The following SCLT1 variants were observed in gnomAD, a reference collection of about 807,000 sequenced individuals.
SCLT1 encodes the protein sodium channel and clathrin linker 1, also known as sodium channel-associated protein 1.
A neutral mutation model predicts 112.8 loss-of-function variants in SCLT1; 78 were observed. That is an observed-to-expected ratio of 0.69 (90% confidence interval 0.58 to 0.83). SCLT1 has a LOEUF of 0.83. Ranked by LOEUF, SCLT1 falls within the 40% of genes least tolerant of loss-of-function variation. SCLT1 has a pLI of 0.00. For synonymous variants in SCLT1, 257 were observed against 254.7 expected, an observed-to-expected ratio of 1.01 and a Z score of -0.09; for missense variants, 747 against 770.4, an observed-to-expected ratio of 0.97 and a Z score of 0.36.
At chr4:128,997,796 T>C (rs889945199) in intron 8 of SCLT1, 78 bp downstream of exon 8, 7 of 678,040 alleles carry the variant, frequency 1.0e-5, no homozygotes, top group Non-Finnish European at 1.6e-5. Context: ...AGCATGCTTA[T>C]TGTTGATTTA....
chr4:128,905,530 T>TC (rs1734627591), intron 18 of SCLT1, among the ~76,000 whole-genome samples: 1 of 151,654 alleles, frequency 6.6e-6, no homozygotes, highest in Non-Finnish European at 1.5e-5. Flanking sequence ...TAGACTTTTT[T>TC]TTAACCTTAA....
intron 8 of SCLT1, among the ~76,000 whole-genome samples, chr4:128,994,994 G>T (rs986755156): frequency 6.6e-6 from 1 of 151,978 alleles, no homozygotes; most frequent in Non-Finnish European, 1.5e-5. Context: ...CACTCTGCTG[G>T]TTTCGTTTGC....
intron 5 of SCLT1, among the ~76,000 whole-genome samples, chr4:129,026,151 A>C (rs1746049885): frequency 6.6e-6 from 1 of 152,158 alleles, no homozygotes; most frequent in East Asian, 1.9e-4. Context: ...CGAGACAGAA[A>C]GTTAACAAGG....
At chr4:129,015,774 C>A (rs1049028751) in intron 5 of SCLT1, among the ~76,000 whole-genome samples, 1 of 152,148 alleles carries the variant, frequency 6.6e-6, no homozygotes, top group African/African-American at 2.4e-5. Context: ...CCCGGAGCCA[C>A]CAGAGACCAG....
chr4:128,954,603 G>A (rs377350534), intron 13 of SCLT1, among the ~76,000 whole-genome samples: 24 of 152,074 alleles, frequency 1.6e-4, no homozygotes, highest in Non-Finnish European at 3.2e-4. Context: ...GTGAGCCACC[G>A]TGCCCGGCCA....
chr4:129,073,547 T>G (rs1751207671), intron 2 of SCLT1, among the ~76,000 whole-genome samples: 1 of 152,204 alleles, frequency 6.6e-6, no homozygotes, highest in African/African-American at 2.4e-5. Flanking sequence ...GTTTCCTGAT[T>G]GTTACTCCTA....
At chr4:129,065,074 C>T (rs1750358658) in intron 2 of SCLT1, among the ~76,000 whole-genome samples, 2 of 151,866 alleles carry the variant, frequency 1.3e-5, no homozygotes, top group Non-Finnish European at 2.9e-5. Context: ...AAGAATTCTC[C>T]CTTAAAAGTG....
At chr4:129,065,585 C>A (rs1328244581) in intron 2 of SCLT1, among the ~76,000 whole-genome samples, 1 of 151,966 alleles carries the variant, frequency 6.6e-6, no homozygotes, top group South Asian at 2.1e-4. Flanking sequence ...TAGCTGTGTT[C>A]CAATAAATCT....
intron 5 of SCLT1, among the ~76,000 whole-genome samples, chr4:129,005,412 A>C (rs1007216636): frequency 2.4e-4 from 36 of 152,214 alleles, no homozygotes; most frequent in African/African-American, 6.3e-4. Context: ...GACACATGAA[A>C]AAATGCTCAT....
intron 13 of SCLT1, among the ~76,000 whole-genome samples, chr4:128,953,912 T>G (rs1167147570): frequency 6.6e-6 from 1 of 152,148 alleles, no homozygotes; most frequent in Non-Finnish European, 1.5e-5. Context: ...CTTTTACATA[T>G]GAAGATATTT....
chr4:128,955,785 G>A (rs752808969), intron 13 of SCLT1, among the ~76,000 whole-genome samples: 1 of 151,928 alleles, frequency 6.6e-6, no homozygotes, highest in Non-Finnish European at 1.5e-5. Flanking sequence ...TTTACAATGA[G>A]TATATATCAC....
chr4:129,009,154 ATTTC>A (rs1445917959), intron 5 of SCLT1, among the ~76,000 whole-genome samples: 1 of 152,096 alleles, frequency 6.6e-6, no homozygotes, highest in Non-Finnish European at 1.5e-5. Flanking sequence ...TGGTAGAATG[ATTTC>A]TATTACTTCG....
intron 2 of SCLT1, among the ~76,000 whole-genome samples, chr4:129,055,540 G>A (rs1054150270): frequency 6.6e-6 from 1 of 152,118 alleles, no homozygotes; most frequent in African/African-American, 2.4e-5. Flanking sequence ...GTTGAGTTCT[G>A]CCCAGTCTGA....
At chr4:128,967,632 G>T (rs57501568) in intron 10 of SCLT1, among the ~76,000 whole-genome samples, 29,621 of 151,962 alleles carry the variant, frequency 0.19, 3,058 homozygotes, top group East Asian at 0.26. Context: ...TCATTTGCTT[G>T]TTGGCCACAT....
At chr4:128,966,293 CT>C (rs1740183408) in intron 10 of SCLT1, among the ~76,000 whole-genome samples, 1 of 151,988 alleles carries the variant, frequency 6.6e-6, no homozygotes, top group African/African-American at 2.4e-5. Flanking sequence ...TCCTCTATTG[CT>C]TTTAGCTATA....
chr4:129,014,520 G>A (rs996866259), intron 5 of SCLT1, among the ~76,000 whole-genome samples: 4 of 152,070 alleles, frequency 2.6e-5, no homozygotes, highest in Admixed American at 2.0e-4. Context: ...TTGAGGGTTT[G>A]ATTATCATAT....
chr4:128,961,290 A>G (rs1199365553), intron 11 of SCLT1, among the ~76,000 whole-genome samples: 1 of 152,100 alleles, frequency 6.6e-6, no homozygotes. Context: ...TAAGTTCCAG[A>G]CTAATGGCCA....
chr4:129,078,453 T>G (rs1205029324), intron 2 of SCLT1, among the ~76,000 whole-genome samples: 2 of 152,164 alleles, frequency 1.3e-5, no homozygotes, highest in African/African-American at 4.8e-5. Flanking sequence ...GCAAAAATCT[T>G]AAGATTCTGA....
At chr4:129,017,277 A>G (rs962101752) in intron 5 of SCLT1, among the ~76,000 whole-genome samples, 1 of 152,114 alleles carries the variant, frequency 6.6e-6, no homozygotes, top group Non-Finnish European at 1.5e-5. Context: ...TGGGTCTTTG[A>G]AAAACAAAGT....
Sources: gnomAD v4.1 joint callset for allele counts (sites outside exome capture counted in the v4.1 genomes callset) on GRCh38, gnomAD v4.1.1 for gene constraint, MANE v1.5 for transcripts, NCBI Gene and HGNC (gene_info 2026-07-23, HGNC 2026-07-21) for gene names.